The following FAR2 variants were observed in gnomAD, a reference collection of about 807,000 sequenced individuals.
The protein encoded by FAR2 is fatty acyl-CoA reductase 2.
In FAR2, 19 loss-of-function variants were observed where a neutral mutation model predicts 56.0. The observed-to-expected ratio is 0.34, with a 90% CI of 0.24 to 0.50. The LOEUF (loss-of-function observed/expected upper bound fraction) is 0.50. Among genes scored for constraint, FAR2 ranks in the 20% least tolerant of loss-of-function variants. The pLI is 0.98. For missense variants in FAR2, 508 were observed against 642.2 expected (o/e 0.79, Z 2.26); for synonymous variants, 219 against 218.8 (o/e 1.00, Z -0.01).
chr12:29,334,576 C>A lies in FAR2; in HGVS notation c.*782C>A, dbSNP rs887589268. 1 of 152,152 alleles carries A rather than the reference C, an allele frequency of 6.6e-6. No homozygotes were observed. Among genetic ancestry groups the A allele is most frequent in the South Asian group, 2.1e-4 (1 of 4,830 alleles). 9.4% of individuals were successfully genotyped at this position (152,152 alleles called of 1,614,324 possible). ...TTCCTGGTAACCTTCTTTCAAGAGT[C>A]TCCTTCTTCTAAAAGTTGCCAAACC... On this transcript the variant is annotated 3_prime_UTR_variant, in exon 12 of 12. Coordinates refer to ENST00000536681, the MANE Select transcript of FAR2 (RefSeq NM_001271783.2).
intron 3 of FAR2, among the ~76,000 whole-genome samples, chr12:29,295,752 C>T (rs1251750093): frequency 3.1e-5 from 4 of 128,368 alleles, no homozygotes; most frequent in East Asian, 2.4e-4. Context: ...TGATTTTTTA[C>T]GTAATTTTTT....
chr12:29,277,768 TTCTA>T (rs1948723523), intron 2 of FAR2: 1 of 152,164 alleles, frequency 6.6e-6, no homozygotes, highest in Non-Finnish European at 1.5e-5. Context: ...CTTTGCATGC[TTCTA>T]TCTGACTATG....
intron 1 of FAR2, among the ~76,000 whole-genome samples, chr12:29,202,763 C>T (rs935997103): frequency 6.6e-6 from 1 of 152,196 alleles, no homozygotes; most frequent in Admixed American, 6.5e-5. Flanking sequence ...GACACTGGCT[C>T]TCCTTCACCT....
At chr12:29,211,702 T>C (rs117624265) in intron 1 of FAR2, among the ~76,000 whole-genome samples, 3 of 151,806 alleles carry the variant, frequency 2.0e-5, no homozygotes, top group Admixed American at 6.6e-5. Flanking sequence ...GCAGAAAAAA[T>C]AGATTGAAAA....
chr12:29,321,200 C>T (rs79765130), intron 9 of FAR2, among the ~76,000 whole-genome samples: 8,076 of 151,902 alleles, frequency 0.053, 591 homozygotes, highest in African/African-American at 0.17. Flanking sequence ...CAGATCCTAT[C>T]AACTTCTTAA....
intron 4 of FAR2, 58 bp from the exon 5 acceptor site, chr12:29,307,600 T>C: frequency 2.0e-6 from 3 of 1,489,232 alleles, no homozygotes; most frequent in Non-Finnish European, 1.8e-6. Flanking sequence ...TCTCACATTT[T>C]CCTTTTGGTT....
intron 1 of FAR2, among the ~76,000 whole-genome samples, chr12:29,188,796 C>A (rs773443068): frequency 6.7e-6 from 1 of 150,068 alleles, no homozygotes; most frequent in Non-Finnish European, 1.5e-5. Context: ...TTTTTCATGA[C>A]CCTGACAGTT....
chr12:29,180,318 A>G (rs938414151), intron 1 of FAR2, among the ~76,000 whole-genome samples: 1 of 152,224 alleles, frequency 6.6e-6, no homozygotes, highest in Non-Finnish European at 1.5e-5. Flanking sequence ...TAATGACTCA[A>G]TGATTATCTT....
chr12:29,331,000 A>G (rs1240872864), intron 10 of FAR2, among the ~76,000 whole-genome samples: 12 of 152,218 alleles, frequency 7.9e-5, no homozygotes, highest in Non-Finnish European at 1.2e-4. Flanking sequence ...CCTAAATTCT[A>G]TAATTCATTA....
chr12:29,223,533 T>C (rs1947723345), intron 1 of FAR2: 1 of 152,202 alleles, frequency 6.6e-6, no homozygotes, highest in Admixed American at 6.5e-5. Flanking sequence ...CTGATCACCA[T>C]AGAGATAACC....
chr12:29,180,465 C>T lies in FAR2; in HGVS notation c.-39+31058C>T, dbSNP rs560247486. Among the ~76,000 whole-genome samples, 126 of 152,248 alleles carry T rather than the reference C, an allele frequency of 8.3e-4. 1 individual carries two copies. The highest frequency in any genetic ancestry group is 2.9e-3 in the African/African-American group (119 of 41,554). ...CCCTCTCCCAATGAAACCCTCCATC[C>T]ACATCCTTCATGTTTAGGGAGTTCA... On this transcript the variant is annotated intron_variant, in intron 1 of 11. Transcript: ENST00000536681.
chr12:29,325,477 C>T (rs550396435), intron 10 of FAR2, among the ~76,000 whole-genome samples: 121 of 152,228 alleles, frequency 7.9e-4, no homozygotes, highest in African/African-American at 2.8e-3. Context: ...ACACCTATTC[C>T]AAAATTGACC....
At chr12:29,151,797 A>G (rs1949683305) in intron 1 of FAR2, 1 of 152,360 alleles carries the variant, frequency 6.6e-6, no homozygotes, top group East Asian at 1.9e-4. Context: ...AAATAAAGAC[A>G]ACAGATGACA....
intron 1 of FAR2, among the ~76,000 whole-genome samples, chr12:29,262,184 T>C (rs1180338335): frequency 6.6e-6 from 1 of 151,504 alleles, no homozygotes; most frequent in Non-Finnish European, 1.5e-5. Context: ...AGTGTAGAGT[T>C]TTTATTAGTT....
intron 1 of FAR2, among the ~76,000 whole-genome samples, chr12:29,228,240 C>T (rs564079241): frequency 1.6e-3 from 236 of 152,010 alleles, no homozygotes; most frequent in Non-Finnish European, 2.7e-3. Flanking sequence ...ACATTGCAGC[C>T]TTTGATGTTG....
At chr12:29,230,696 T>A (rs977618354) in intron 1 of FAR2, among the ~76,000 whole-genome samples, 2 of 151,830 alleles carry the variant, frequency 1.3e-5, no homozygotes, top group Non-Finnish European at 2.9e-5. Context: ...ACTTTGAAGG[T>A]AGAGCTGATG....
At chr12:29,308,221 G>C (rs1248225784) in intron 5 of FAR2, among the ~76,000 whole-genome samples, 1 of 152,208 alleles carries the variant, frequency 6.6e-6, no homozygotes, top group African/African-American at 2.4e-5. Flanking sequence ...AAAGCTCACA[G>C]AAGGATCTCA....
chr12:29,161,785 A>C (rs1949784146), intron 1 of FAR2, among the ~76,000 whole-genome samples: 3 of 152,308 alleles, frequency 2.0e-5, no homozygotes. Flanking sequence ...TCTTGTCAAC[A>C]CTTCTTATTT....
At chr12:29,198,429 A>G (rs903600822) in intron 1 of FAR2, among the ~76,000 whole-genome samples, 39 of 152,006 alleles carry the variant, frequency 2.6e-4, no homozygotes, top group African/African-American at 9.2e-4. Context: ...GGGTTTCACC[A>G]CGTTGGCCAG....
Sources: allele counts gnomAD v4.1 joint callset (sites outside exome capture counted in the v4.1 genomes callset), GRCh38; gene constraint gnomAD v4.1.1; transcripts MANE v1.5; gene names NCBI Gene and HGNC (gene_info 2026-07-23, HGNC 2026-07-21).